The following AGBL4 variants were observed in gnomAD, a reference collection of about 807,000 sequenced individuals.
AGBL4 encodes the protein AGBL carboxypeptidase 4, also known as cytosolic carboxypeptidase 6.
In AGBL4, 58 loss-of-function variants were observed where a neutral mutation model predicts 66.4. That is an observed-to-expected ratio of 0.87 (90% CI 0.71 to 1.09). The LOEUF is 1.09. AGBL4 is among the 50% of genes least tolerant of loss of function. The pLI is 0.00. For missense variants in AGBL4, 579 were observed against 631.0 expected, an observed-to-expected ratio of 0.92 and a Z score of 0.88; for synonymous variants, 234 against 222.9, an observed-to-expected ratio of 1.05 and a Z score of -0.44.
chr1:49,041,639 C>T (rs1202823911), intron 5 of AGBL4, among the ~76,000 whole-genome samples: 1 of 152,038 alleles, frequency 6.6e-6, no homozygotes, highest in African/African-American at 2.4e-5. Context: ...ATTATTTACC[C>T]CCAAACTGGG....
chr1:49,144,227 G>C (rs1433552653), intron 4 of AGBL4, among the ~76,000 whole-genome samples: 1 of 152,038 alleles, frequency 6.6e-6, no homozygotes, highest in Non-Finnish European at 1.5e-5. Context: ...GCTGATGATG[G>C]CTATCAGTGG....
At chr1:48,893,664 A>G (rs7547050) in intron 5 of AGBL4, among the ~76,000 whole-genome samples, 75,928 of 150,818 alleles carry the variant, frequency 0.5, 22,080 homozygotes, top group Non-Finnish European at 0.67. Context: ...CAGCCTGGGC[A>G]ACAGAGTGAG....
chr1:49,141,821 CTG>C (rs1646123329), intron 4 of AGBL4, among the ~76,000 whole-genome samples: 5 of 152,246 alleles, frequency 3.3e-5, no homozygotes, highest in East Asian at 3.9e-4. Context: ...ACTATGAAAA[CTG>C]TGCAGCTTCT....
At position 48,562,143 on chromosome 1, in the gene AGBL4, C is replaced by T. The variant is rs1024907830; in HGVS notation, c.1268-22405G>A. On this transcript the variant is annotated intron_variant, in intron 11 of 13. Coordinates refer to ENST00000371839, the MANE Select transcript of AGBL4 (RefSeq NM_032785.4). Reference sequence around the variant, plus strand: ...CTTCCTGAAGAATGTTCCTCTCAATCGTGAGTAAGATGTCAAGTCTCCTCA... The same window carrying T: ...CTTCCTGAAGAATGTTCCTCTCAATTGTGAGTAAGATGTCAAGTCTCCTCA... Among the ~76,000 whole-genome samples the T allele has an allele frequency of 1.1e-4, 16 of 152,170 alleles. 1 individual carries two copies. The highest frequency in any genetic ancestry group is 3.2e-3 in the Middle Eastern group (1 of 316).
At chr1:49,809,316 G>T (rs144320329) in intron 2 of AGBL4, among the ~76,000 whole-genome samples, 1 of 52,068 alleles carries the variant, frequency 1.9e-5, no homozygotes, top group Admixed American at 2.7e-4. Context: ...CTCCCCCCAC[G>T]ACAGGCCCTG....
chr1:49,697,460 T>C (rs1298518955), intron 2 of AGBL4, 23 bp from the exon 3 acceptor site: 22 of 1,487,636 alleles, frequency 1.5e-5, no homozygotes, highest in South Asian at 2.6e-5. Flanking sequence ...ATTAAGAGAA[T>C]TGGATTTTAA....
chr1:49,609,686 A>G (rs974143232), intron 3 of AGBL4, among the ~76,000 whole-genome samples: 1 of 152,116 alleles, frequency 6.6e-6, no homozygotes, highest in African/African-American at 2.4e-5. Flanking sequence ...CGACATACAT[A>G]TTATTTCATT....
intron 3 of AGBL4, among the ~76,000 whole-genome samples, chr1:49,449,746 C>T (rs1416859701): frequency 3.3e-5 from 5 of 151,890 alleles, no homozygotes; most frequent in African/African-American, 1.2e-4. Flanking sequence ...GATACATTTC[C>T]GGTTTCATCT....
chr1:48,893,687 A>AAATT, intron 5 of AGBL4, among the ~76,000 whole-genome samples: 2 of 25,870 alleles, frequency 7.7e-5, no homozygotes, highest in South Asian at 4.3e-3. Flanking sequence ...TCTGTCTCAA[A>AAATT]AAATAAATAA....
At chr1:49,335,280 T>C (rs995501679) in intron 3 of AGBL4, among the ~76,000 whole-genome samples, 1 of 152,186 alleles carries the variant, frequency 6.6e-6, no homozygotes, top group African/African-American at 2.4e-5. Flanking sequence ...GACGCAACCA[T>C]AAAATATATT....
chr1:48,717,333 C>A (rs1418229200), intron 6 of AGBL4, among the ~76,000 whole-genome samples: 1 of 152,240 alleles, frequency 6.6e-6, no homozygotes, highest in African/African-American at 2.4e-5. Context: ...TGTCTATAAA[C>A]AATCCATAAT....
intron 1 of AGBL4, among the ~76,000 whole-genome samples, chr1:49,966,567 G>A (rs185166177): frequency 2.4e-4 from 37 of 152,150 alleles, no homozygotes; most frequent in African/African-American, 8.2e-4. Context: ...AATTTCAGAC[G>A]TCAAACCCCA....
At position 49,891,521 on chromosome 1, in the gene AGBL4, G is replaced by T. The variant is rs560777666; in HGVS notation, c.35-40003C>A. 2.6e-5 allele frequency among the ~76,000 whole-genome samples: 4 copies of T among 152,170 alleles called. No individual in the cohort carries two copies. In the South Asian group the frequency reaches 8.3e-4, roughly 32 times the overall value. On this transcript the variant is annotated intron_variant, in intron 1 of 13. Coordinates refer to ENST00000371839, the MANE Select transcript of AGBL4 (RefSeq NM_032785.4). The stretch of plus-strand genomic sequence containing the variant: ...TGCACAGAAATAACCCCACAACAAA[G>T]AATTATCTGGCTCAAAATGTCAATA...
intron 3 of AGBL4, among the ~76,000 whole-genome samples, chr1:49,660,471 G>A (rs989110575): frequency 2.6e-5 from 4 of 152,132 alleles, no homozygotes; most frequent in Admixed American, 2.0e-4. Context: ...GCGAGGTTGT[G>A]GAGAAATAGA....
intron 3 of AGBL4, among the ~76,000 whole-genome samples, chr1:49,423,655 A>G (rs779848661): frequency 6.6e-6 from 1 of 151,942 alleles, no homozygotes; most frequent in Admixed American, 6.6e-5. Context: ...ACTAAAAAGT[A>G]CAAAAAATTA....
chr1:49,427,956 G>A (rs939329097), intron 3 of AGBL4, among the ~76,000 whole-genome samples: 21 of 152,218 alleles, frequency 1.4e-4, no homozygotes, highest in African/African-American at 4.8e-4. Flanking sequence ...GCTGACTGGT[G>A]AGTTTACAAA....
chr1:49,811,283 G>A (rs1645096915), intron 2 of AGBL4, among the ~76,000 whole-genome samples: 1 of 152,088 alleles, frequency 6.6e-6, no homozygotes. Context: ...CAGGTCATGA[G>A]GATTCCAGTC....
At chr1:49,349,692 T>C (rs1557860681) in intron 3 of AGBL4, among the ~76,000 whole-genome samples, 1 of 152,182 alleles carries the variant, frequency 6.6e-6, no homozygotes, top group Non-Finnish European at 1.5e-5. Context: ...AAGGGCAGTG[T>C]TATGGGCTGA....
At chr1:48,526,101 G>A in the AGBL4 span, among the ~76,000 whole-genome samples, 301 of 152,314 alleles carry the variant, frequency 2.0e-3, 10 homozygotes, top group East Asian at 0.052. Context: ...CAGTTGCAAA[G>A]GAGACCGCCT....
Sources: gnomAD v4.1 joint callset for allele counts (sites outside exome capture counted in the v4.1 genomes callset) on GRCh38, gnomAD v4.1.1 for gene constraint, MANE v1.5 for transcripts, NCBI Gene and HGNC (gene_info 2026-07-23, HGNC 2026-07-21) for gene names.